ADAMTSL1: variants seen among roughly 807,000 people sequenced by gnomAD.
ADAMTSL1 encodes ADAMTS like 1, also known as ADAMTS-like protein 1.
Under a neutral mutation model 201.8 loss-of-function variants are expected in ADAMTSL1, and 126 were observed. The observed-to-expected ratio is 0.62, with a 90% confidence interval of 0.54 to 0.72. ADAMTSL1 has a LOEUF of 0.72. ADAMTSL1 is among the 30% of genes least tolerant of loss of function. ADAMTSL1 has a pLI of 0.00. For synonymous variants in ADAMTSL1, 1,121 were observed against 903.4 expected (o/e 1.24, Z -4.32); for missense variants, 2,679 against 2,277.8 (o/e 1.18, Z -3.59).
At chr9:18,462,614 A>G (rs1030262850) in intron 2 of ADAMTSL1, among the ~76,000 whole-genome samples, 1 of 152,170 alleles carries the variant, frequency 6.6e-6, no homozygotes, top group Non-Finnish European at 1.5e-5. Context: ...AAGATGATAT[A>G]TGAGCAATCA....
At chr9:18,002,902 A>G (rs979574177) in intron 1 of ADAMTSL1, among the ~76,000 whole-genome samples, 1 of 152,040 alleles carries the variant, frequency 6.6e-6, no homozygotes, top group African/African-American at 2.4e-5. Context: ...TGTATGTCCA[A>G]AGTCCATTCA....
At chr9:18,247,242 T>G (rs1247512976) in intron 2 of ADAMTSL1, among the ~76,000 whole-genome samples, 1 of 152,210 alleles carries the variant, frequency 6.6e-6, no homozygotes, top group East Asian at 1.9e-4. Flanking sequence ...AAATATAGCA[T>G]TTATAGCTAA....
At chr9:18,702,685 G>A (rs972181749) in intron 13 of ADAMTSL1, among the ~76,000 whole-genome samples, 2 of 151,992 alleles carry the variant, frequency 1.3e-5, no homozygotes, top group African/African-American at 4.8e-5. Flanking sequence ...AGTTACTTGT[G>A]AAGTTTACAC....
chr9:17,989,880 A>C (rs1034798799), intron 1 of ADAMTSL1, among the ~76,000 whole-genome samples: 1 of 151,276 alleles, frequency 6.6e-6, no homozygotes, highest in Non-Finnish European at 1.5e-5. Context: ...AAGTATTCTA[A>C]GGGGCAAATG....
intron 2 of ADAMTSL1, among the ~76,000 whole-genome samples, chr9:18,177,680 G>A (rs889934348): frequency 6.6e-6 from 1 of 152,196 alleles, no homozygotes; most frequent in Non-Finnish European, 1.5e-5. Context: ...AAAGAGGAAA[G>A]GACAAATGGA....
chr9:18,264,603 G>A (rs761672673), intron 2 of ADAMTSL1, among the ~76,000 whole-genome samples: 1 of 152,088 alleles, frequency 6.6e-6, no homozygotes, highest in Non-Finnish European at 1.5e-5. Context: ...CGACAGGAGT[G>A]AGATTAGACA....
intron 7 of ADAMTSL1, among the ~76,000 whole-genome samples, chr9:18,642,119 G>A (rs527945418): frequency 8.4e-4 from 128 of 152,080 alleles, no homozygotes; most frequent in African/African-American, 3.0e-3. Context: ...CAAACATACA[G>A]CAGAAAGCCA....
At chr9:18,224,214 C>A (rs919946264) in intron 2 of ADAMTSL1, among the ~76,000 whole-genome samples, 3 of 152,166 alleles carry the variant, frequency 2.0e-5, no homozygotes, top group African/African-American at 7.2e-5. Flanking sequence ...AAATTTATTT[C>A]TCACAGTTCA....
rs1439267860 is a variant in ADAMTSL1 at position 18,893,884 on chromosome 9, C to T, written c.4851+1288C>T. ...TTTAGTCCAAGTAAAACTAAGACCA[C>T]CTTCTTAGCTCCAACAATCTGGCTT... On this transcript the variant is annotated intron_variant, in intron 26 of 28. Coordinates refer to ENST00000380548, the MANE Select transcript of ADAMTSL1 (RefSeq NM_001040272.6). 2.6e-5 allele frequency among the ~76,000 whole-genome samples: 4 copies of T among 152,226 alleles called. No individual in the cohort carries two copies. The East Asian group carries it at 5.8e-4, about 22-fold the overall frequency.
chr9:18,346,307 G>A (rs535406414), intron 2 of ADAMTSL1, among the ~76,000 whole-genome samples: 14 of 137,092 alleles, frequency 1.0e-4, no homozygotes, highest in Admixed American at 1.6e-4. Flanking sequence ...CTAGTTCAGC[G>A]TCACTATTAT....
intron 13 of ADAMTSL1, among the ~76,000 whole-genome samples, chr9:18,699,184 G>A: frequency 6.6e-6 from 1 of 152,140 alleles, no homozygotes; most frequent in African/African-American, 2.4e-5. Context: ...CTGCAAGAAA[G>A]ACATTCAGGC....
chr9:18,193,822 C>G (rs1034575576), intron 2 of ADAMTSL1, among the ~76,000 whole-genome samples: 12 of 152,098 alleles, frequency 7.9e-5, no homozygotes, highest in African/African-American at 2.4e-4. Context: ...CTGCCCTTTT[C>G]TTTATCCTCC....
At chr9:18,178,702 C>G (rs866199724) in intron 2 of ADAMTSL1, among the ~76,000 whole-genome samples, 1 of 151,928 alleles carries the variant, frequency 6.6e-6, no homozygotes, top group South Asian at 2.1e-4. Context: ...ACTGCCTCCT[C>G]AAGTGGGTCC....
chr9:18,021,099 C>T (rs1407056624), intron 1 of ADAMTSL1, among the ~76,000 whole-genome samples: 1 of 152,098 alleles, frequency 6.6e-6, no homozygotes, highest in East Asian at 1.9e-4. Context: ...CTCTCTGGGG[C>T]TTTGCTCAGC....
intron 1 of ADAMTSL1, among the ~76,000 whole-genome samples, chr9:18,134,025 A>G (rs1587128651): frequency 6.6e-6 from 1 of 152,284 alleles, no homozygotes; most frequent in Non-Finnish European, 1.5e-5. Context: ...GTTGAATAGT[A>G]AGGAATGAAA....
chr9:18,814,734 G>A (rs1269118522), intron 20 of ADAMTSL1, among the ~76,000 whole-genome samples: 1 of 152,084 alleles, frequency 6.6e-6, no homozygotes, highest in Non-Finnish European at 1.5e-5. Flanking sequence ...CCTGGTGGAG[G>A]GCAGGAGGAG....
At chr9:18,625,901 G>C (rs1373308888) in intron 5 of ADAMTSL1, among the ~76,000 whole-genome samples, 1 of 152,140 alleles carries the variant, frequency 6.6e-6, no homozygotes, top group East Asian at 1.9e-4. Context: ...TTAAAAATGT[G>C]CTTCTCAGAC....
At chr9:18,828,422 G>A (rs978013098) in intron 22 of ADAMTSL1, among the ~76,000 whole-genome samples, 6 of 151,696 alleles carry the variant, frequency 4.0e-5, no homozygotes, top group Admixed American at 3.9e-4. Context: ...TATTGAGGAG[G>A]AGAGAAAGAG....
chr9:18,221,830 A>G (rs1345267760), intron 2 of ADAMTSL1, among the ~76,000 whole-genome samples: 1 of 151,920 alleles, frequency 6.6e-6, no homozygotes, highest in African/African-American at 2.4e-5. Flanking sequence ...TGGCATTTTC[A>G]TATCTATATT....
Sources: allele counts gnomAD v4.1 joint callset (sites outside exome capture counted in the v4.1 genomes callset), GRCh38; gene constraint gnomAD v4.1.1; transcripts MANE v1.5; gene names NCBI Gene and HGNC (gene_info 2026-07-23, HGNC 2026-07-21).